The following SVEP1 variants were observed in gnomAD, a reference collection of about 807,000 sequenced individuals.
SVEP1 encodes sushi, von Willebrand factor type A, EGF and pentraxin domain-containing protein 1.
A neutral mutation model predicts 367.3 loss-of-function variants in SVEP1; 164 were observed. That is an observed-to-expected ratio of 0.45 (90% CI 0.39 to 0.51). The LOEUF (loss-of-function observed/expected upper bound fraction) is 0.51. Ranked by LOEUF, SVEP1 falls within the 20% of genes least tolerant of loss-of-function variation. The pLI, the probability that SVEP1 is intolerant of heterozygous loss-of-function variation, is 0.00. For missense variants in SVEP1, 4,117 were observed against 4,425.3 expected, an observed-to-expected ratio of 0.93 and a Z score of 1.98; for synonymous variants, 1,666 against 1,611.6, an observed-to-expected ratio of 1.03 and a Z score of -0.81.
chr9:110,406,571 G>A lies in SVEP1; in HGVS notation c.9029C>T (p.Pro3010Leu), dbSNP rs1205201154. The change falls in exon 38 of 48, where the codon CCA becomes CTA. Residue 3010 changes from proline (P) to leucine (L), a missense_variant. Coordinates refer to ENST00000374469, the MANE Select transcript of SVEP1 (RefSeq NM_153366.4). ...ATTGACAGTTCCATATTCAATTACT[G>A]GTGTGGAACATCTGCAAGGCAGGCA... ...PSCLPCRCST[P>L]VIEYGTVNGT... is the part of the protein sequence containing the mutation. 4 of 1,613,528 alleles carry A rather than the reference G, an allele frequency of 2.5e-6. No individual in the cohort carries two copies. The highest frequency in any genetic ancestry group is 3.4e-6 in the Non-Finnish European group (4 of 1,179,774).
chr9:110,395,248 A>T (rs558379164), intron 40 of SVEP1, among the ~76,000 whole-genome samples: 1,857 of 152,296 alleles, frequency 0.012, 20 homozygotes, highest in Middle Eastern at 0.075. Flanking sequence ...TATCCAGCCA[A>T]ACTATGCTTC....
chr9:110,436,359 T>A, intron 28 of SVEP1, 21 bp downstream of exon 28: 1 of 1,613,784 alleles, frequency 6.2e-7, no homozygotes, highest in Non-Finnish European at 8.5e-7. Flanking sequence ...ATTACTGTCA[T>A]ACACTGAAAA....
chr9:110,443,352 G>A, intron 27 of SVEP1, 193 bp downstream of exon 27: 2 of 457,156 alleles, frequency 4.4e-6, no homozygotes, highest in South Asian at 7.0e-5. Flanking sequence ...CTCACACAGA[G>A]AGGCAAACAG....
At chr9:110,491,212 T>C (rs10817032) in intron 8 of SVEP1, among the ~76,000 whole-genome samples, 32,964 of 151,728 alleles carry the variant, frequency 0.22, 3,782 homozygotes, top group South Asian at 0.28. Context: ...CAGTTGTTTC[T>C]TATTATTCTT....
chr9:110,541,874 TATATATATCTATATAC>T (rs1286511352), intron 3 of SVEP1, among the ~76,000 whole-genome samples: 2 of 142,492 alleles, frequency 1.4e-5, no homozygotes, highest in South Asian at 2.2e-4. Context: ...CATAGATATC[TATATATATCTATATAC>T]ATAGATATCT....
intron 24 of SVEP1, among the ~76,000 whole-genome samples, chr9:110,449,262 T>A (rs1318628932): frequency 1.3e-5 from 2 of 152,196 alleles, no homozygotes; most frequent in Admixed American, 6.5e-5. Flanking sequence ...TACTACTATT[T>A]TCAGCCACAA....
In SVEP1 at chr9:110,550,343, T is replaced by C. The variant is rs368841100; in HGVS notation, c.532-239A>G. ...CTATCATCCTCATCAACATTGCTGA[T>C]GGAGCTTGCTAATGAAGTACAACAA... is the stretch of plus-strand genomic sequence containing the variant. On this transcript the variant is annotated intron_variant, in intron 1 of 47. Coordinates refer to ENST00000374469, the MANE Select transcript of SVEP1 (RefSeq NM_153366.4). Among the ~76,000 whole-genome samples the C allele has an allele frequency of 1.1e-4, 16 of 152,362 alleles. No homozygotes were observed. The East Asian group carries it at 2.3e-3, about 22-fold the overall frequency.
chr9:110,528,152 GTGTGTATA>G (rs1408217035), intron 3 of SVEP1, among the ~76,000 whole-genome samples: 27 of 22,084 alleles, frequency 1.2e-3, no homozygotes, highest in South Asian at 4.5e-3. Context: ...GTGTGTGTGT[GTGTGTATA>G]TATATATATA....
In SVEP1 at chr9:110,406,950, G is replaced by A. The variant is rs1048940112; in HGVS notation, c.8650C>T (p.Pro2884Ser). The change falls in exon 38 of 48, where the codon CCC becomes TCC. Residue 2884 changes from proline (P) to serine (S), a missense_variant. By Grantham distance (74) the Pro-to-Ser change is moderately conservative. Around this residue, in one of 4 missense-constraint regions of SVEP1, gnomAD observed 1,765 missense variants for 1,781.1 expected, o/e 0.99. Coordinates refer to ENST00000374469, the MANE Select transcript of SVEP1 (RefSeq NM_153366.4). Reference sequence around the variant, plus strand: ...GCACATCTGACAGGCACACAGTCGGGAGTGGCTCCACTCCAACTTCCATTG... The same window carrying A: ...GCACATCTGACAGGCACACAGTCGGAAGTGGCTCCACTCCAACTTCCATTG... ...LANGSWSGAT[P>S]DCVPVRCATP... 1.9e-6 allele frequency: 3 copies of A among 1,613,916 alleles called. No homozygotes were observed. The highest frequency in any genetic ancestry group is 2.5e-6 in the Non-Finnish European group (3 of 1,179,862).
chr9:110,572,161 T>C (rs1268205614), intron 1 of SVEP1, among the ~76,000 whole-genome samples: 1 of 152,230 alleles, frequency 6.6e-6, no homozygotes, highest in East Asian at 1.9e-4. Flanking sequence ...GAAGACTGGA[T>C]AGACTGTCTT....
At chr9:110,531,720 T>C (rs1830020777) in intron 3 of SVEP1, among the ~76,000 whole-genome samples, 1 of 152,168 alleles carries the variant, frequency 6.6e-6, no homozygotes, top group African/African-American at 2.4e-5. Context: ...GTTTGATTAA[T>C]GGATTTGTTA....
intron 43 of SVEP1, among the ~76,000 whole-genome samples, chr9:110,384,207 C>T (rs12003109): frequency 2.6e-4 from 40 of 152,274 alleles, no homozygotes; most frequent in African/African-American, 9.6e-4. Flanking sequence ...TGCACAGATC[C>T]ATGGAAAAAG....
rs535659327 is a variant in SVEP1 at position 110,569,944 on chromosome 9, C to A, written c.531+9069G>T. 1.6e-4 allele frequency among the ~76,000 whole-genome samples: 25 copies of A among 152,282 alleles called. No homozygotes were observed. In the South Asian group the frequency reaches 4.6e-3, roughly 28 times the overall value. On this transcript the variant is annotated intron_variant, in intron 1 of 47. Coordinates refer to ENST00000374469, the MANE Select transcript of SVEP1 (RefSeq NM_153366.4). ...CAGAGAAGATGAATACTTTAAAAAT[C>A]TTTTCATAAAGATGGATAGGGGAAA...
chr9:110,578,377 C>T (rs72752581), intron 1 of SVEP1, among the ~76,000 whole-genome samples: 46,241 of 140,642 alleles, frequency 0.33, 8,378 homozygotes, highest in East Asian at 0.6. Flanking sequence ...GTTTTTTTTT[C>T]CTCTCCCTAC....
intron 36 of SVEP1, among the ~76,000 whole-genome samples, chr9:110,415,694 AAC>A (rs1344143518): frequency 1.3e-5 from 2 of 152,026 alleles, no homozygotes; most frequent in Admixed American, 1.3e-4. Context: ...TCTGCTCTAC[AAC>A]AGTCTGAAAA....
intron 8 of SVEP1, 116 bp from the exon 9 acceptor site, chr9:110,489,895 GA>G (rs1158061682): frequency 2.4e-6 from 3 of 1,272,260 alleles, no homozygotes; most frequent in Non-Finnish European, 3.1e-6. Context: ...AAGAGGAAAG[GA>G]AAAAGGCACA....
At chr9:110,371,165 A>G (rs954760592) in intron 46 of SVEP1, among the ~76,000 whole-genome samples, 1 of 152,232 alleles carries the variant, frequency 6.6e-6, no homozygotes, top group African/African-American at 2.4e-5. Context: ...CTAATGGGAA[A>G]GAAAATTATG....
intron 46 of SVEP1, among the ~76,000 whole-genome samples, chr9:110,373,024 C>G (rs916138160): frequency 2.6e-5 from 4 of 152,070 alleles, no homozygotes; most frequent in Non-Finnish European, 5.9e-5. Context: ...TGACTGGTGA[C>G]AGTGGTGTGG....
intron 43 of SVEP1, among the ~76,000 whole-genome samples, chr9:110,384,222 G>A (rs1020898574): frequency 6.6e-6 from 1 of 152,196 alleles, no homozygotes; most frequent in Non-Finnish European, 1.5e-5. Context: ...AAAAAGTGTG[G>A]TTTCCTGAGT....
Sources: allele counts gnomAD v4.1 joint callset (sites outside exome capture counted in the v4.1 genomes callset), GRCh38; gene constraint gnomAD v4.1.1; regional missense constraint gnomAD v4.1.1; transcripts MANE v1.5; gene names NCBI Gene and HGNC (gene_info 2026-07-23, HGNC 2026-07-21).